Variants in NSUN4 observed in about 807,000 individuals in gnomAD.
NSUN4 encodes the protein 5-cytosine rRNA methyltransferase NSUN4.
Under a neutral mutation model 43.8 loss-of-function variants are expected in NSUN4, and 31 were observed. The observed-to-expected ratio is 0.71, with a 90% confidence interval of 0.53 to 0.96. The LOEUF is 0.96. Among genes scored for constraint, NSUN4 ranks in the 40% least tolerant of loss-of-function variants. The probability of loss-of-function intolerance (pLI) is 0.00; values close to 1 mark genes in which losing one functional copy is unlikely to be tolerated. For missense variants in NSUN4, 439 were observed against 475.6 expected, an observed-to-expected ratio of 0.92 and a Z score of 0.72; for synonymous variants, 167 against 184.1, an observed-to-expected ratio of 0.91 and a Z score of 0.75.
In NSUN4 at chr1:46,350,065, C is replaced by T. The variant is rs924866635; in HGVS notation, c.593-2803C>T. ...GAAATTAGTGTTTACTTAGTCTAGC[C>T]CTCATATTTTATGGAGGGAGAAATT... On this transcript the variant is annotated intron_variant, in intron 3 of 5. Coordinates refer to ENST00000474844, the MANE Select transcript of NSUN4 (RefSeq NM_199044.4). 4.2e-4 allele frequency among the ~76,000 whole-genome samples: 64 copies of T among 152,120 alleles called. 1 individual carries two copies. Among genetic ancestry groups the T allele is most frequent in the Non-Finnish European group, 6.0e-4 (41 of 68,040 alleles).
At chr1:46,350,595 T>G (rs1662905568) in intron 3 of NSUN4, among the ~76,000 whole-genome samples, 1 of 152,246 alleles carries the variant, frequency 6.6e-6, no homozygotes, top group African/African-American at 2.4e-5. Context: ...TGAACTCATG[T>G]CTACCAATAA....
intron 4 of NSUN4, among the ~76,000 whole-genome samples, chr1:46,354,611 G>A (rs962830753): frequency 6.6e-6 from 1 of 151,834 alleles, no homozygotes; most frequent in Non-Finnish European, 1.5e-5. Flanking sequence ...ATCTTAGATA[G>A]GCTTGAGACT....
intron 3 of NSUN4, among the ~76,000 whole-genome samples, chr1:46,349,200 C>T (rs1394319675): frequency 2.0e-5 from 3 of 149,310 alleles, no homozygotes; most frequent in African/African-American, 4.9e-5. Flanking sequence ...AGTGCAGTGG[C>T]GTGATCTCGG....
intron 1 of NSUN4, chr1:46,341,389 C>T: frequency 2.0e-6 from 2 of 1,003,706 alleles, no homozygotes; most frequent in Non-Finnish European, 2.4e-6. Context: ...TCTCCGCCGC[C>T]TTGCAGGAAA....
At chr1:46,379,784 G>A in the NSUN4 span, among the ~76,000 whole-genome samples, 1 of 152,178 alleles carries the variant, frequency 6.6e-6, no homozygotes, top group African/African-American at 2.4e-5. Flanking sequence ...TTTATAGATG[G>A]TGTCTTATGG....
the NSUN4 span, among the ~76,000 whole-genome samples, chr1:46,375,327 C>T: frequency 2.6e-5 from 4 of 151,194 alleles, no homozygotes; most frequent in Admixed American, 2.0e-4. Flanking sequence ...CCCAGCTACT[C>T]GGGAAGCTGA....
the NSUN4 span, among the ~76,000 whole-genome samples, chr1:46,372,157 T>G: frequency 6.6e-6 from 1 of 151,488 alleles, no homozygotes; most frequent in Non-Finnish European, 1.5e-5. Context: ...TTTTTTTTTT[T>G]TGAGATGGAG....
At chr1:46,351,703 C>A (rs1204020998) in intron 3 of NSUN4, among the ~76,000 whole-genome samples, 1 of 125,718 alleles carries the variant, frequency 8.0e-6, no homozygotes, top group Non-Finnish European at 1.6e-5. Context: ...CTTGCTCTGT[C>A]GCCCAGGCTG....
chr1:46,353,545 C>T (rs1663155822), intron 4 of NSUN4, among the ~76,000 whole-genome samples: 1 of 151,802 alleles, frequency 6.6e-6, no homozygotes, highest in Non-Finnish European at 1.5e-5. Context: ...GGCGCGATCT[C>T]TGCTCACTGC....
In NSUN4 at chr1:46,361,795, C is replaced by T. The variant is rs1663896880; in HGVS notation, c.1104C>T (p.Leu368=). The change falls in exon 6 of 6, where the codon CTC becomes CTT. Residue 368 remains leucine, a synonymous_variant. Transcript: ENST00000474844. ...CQVGELVIPN[L]MANFGPMYFC... ...TTGGGGAGCTGGTAATACCAAACCT[C>T]ATGGCCAATTTTGGCCCCATGTACT... 6.2e-7 allele frequency: 1 copy of T among 1,614,198 alleles called. No homozygotes were observed. The highest frequency in any genetic ancestry group is 2.2e-5 in the East Asian group (1 of 44,880).
At chr1:46,382,056 G>A in the NSUN4 span, among the ~76,000 whole-genome samples, 3 of 152,182 alleles carry the variant, frequency 2.0e-5, no homozygotes, top group Non-Finnish European at 4.4e-5. Context: ...CCATAGGTGG[G>A]CCTTTCACTC....
At chr1:46,341,235 TC>T (rs1662077156) in intron 1 of NSUN4, 2 of 982,754 alleles carry the variant, frequency 2.0e-6, no homozygotes, top group Non-Finnish European at 2.4e-6. Context: ...TGTCCCCCAC[TC>T]CCCCTTTTAC....
At chr1:46,373,281 G>A in the NSUN4 span, among the ~76,000 whole-genome samples, 159 of 152,234 alleles carry the variant, frequency 1.0e-3, 2 homozygotes, top group South Asian at 0.017. Context: ...AATTCTTCCA[G>A]CCTCTGCCCA....
chr1:46,357,412 G>A (rs1241826226), intron 4 of NSUN4, among the ~76,000 whole-genome samples: 2 of 152,120 alleles, frequency 1.3e-5, no homozygotes, highest in Non-Finnish European at 2.9e-5. Flanking sequence ...CGAAATCCTG[G>A]GCTAAAGCCA....
Position 46,362,154 on chromosome 1 carries a change from A to T in NSUN4, c.*308A>T. 1 of 375,924 alleles carries T rather than the reference A, an allele frequency of 2.7e-6. No individual in the cohort carries two copies. Among genetic ancestry groups the T allele is most frequent in the East Asian group, 5.4e-5 (1 of 18,654 alleles). 23.3% of individuals were successfully genotyped at this position (375,924 alleles called of 1,614,324 possible). The stretch of plus-strand genomic sequence containing the variant: ...CAGGCTCACACTAAGTTGTAAACAT[A>T]GGAGAAGCATTTGGCCAATAAAGTT... On this transcript the variant is annotated 3_prime_UTR_variant, in exon 6 of 6. Coordinates refer to ENST00000474844, the MANE Select transcript of NSUN4 (RefSeq NM_199044.4).
intron 4 of NSUN4, among the ~76,000 whole-genome samples, chr1:46,358,517 T>G (rs897974666): frequency 6.7e-6 from 1 of 150,188 alleles, no homozygotes; most frequent in African/African-American, 2.5e-5. Flanking sequence ...TTCTTCTGCC[T>G]CAGCCTCCCG....
chr1:46,355,871 G>A lies in NSUN4; in HGVS notation c.753+2843G>A, dbSNP rs572264697. On this transcript the variant is annotated intron_variant, in intron 4 of 5. Coordinates refer to ENST00000474844, the MANE Select transcript of NSUN4 (RefSeq NM_199044.4). The stretch of plus-strand genomic sequence containing the variant: ...CTCTACTAAAAATACAAAATTAGCC[G>A]GGTGTGGTGGCAGGCACCTGTAATC... Among the ~76,000 whole-genome samples, 299 of 152,130 alleles carry A rather than the reference G, an allele frequency of 2.0e-3. 3 individuals are homozygous for A. The highest frequency in any genetic ancestry group is 7.7e-3 in the South Asian group (37 of 4,818).
At chr1:46,369,627 A>G (rs1452499589), downstream of NSUN4, among the ~76,000 whole-genome samples, 2 of 152,176 alleles carry the variant, frequency 1.3e-5, no homozygotes, top group African/African-American at 4.8e-5. Flanking sequence ...TTAGTGAGGC[A>G]GAGGAGGATG....
chr1:46,351,723 G>A (rs900864322), intron 3 of NSUN4, among the ~76,000 whole-genome samples: 16 of 137,942 alleles, frequency 1.2e-4, no homozygotes, highest in Non-Finnish European at 1.5e-5. Flanking sequence ...GGAATGCAGT[G>A]GCGCCATCTC....
Sources: gnomAD v4.1 joint callset for allele counts (sites outside exome capture counted in the v4.1 genomes callset) on GRCh38, gnomAD v4.1.1 for gene constraint, MANE v1.5 for transcripts, NCBI Gene and HGNC (gene_info 2026-07-23, HGNC 2026-07-21) for gene names.